The following SERINC5 variants were observed in gnomAD, a reference collection of about 807,000 sequenced individuals.
SERINC5 encodes the protein serine incorporator 5, also known as chromosome 5 open reading frame 12.
In SERINC5, 41 loss-of-function variants were observed where a neutral mutation model predicts 63.1. The observed-to-expected ratio is 0.65, with a 90% CI of 0.51 to 0.84. The LOEUF (loss-of-function observed/expected upper bound fraction) is 0.84. Ranked by LOEUF, SERINC5 falls within the 40% of genes least tolerant of loss-of-function variation. The pLI is 0.00. For missense variants in SERINC5, 523 were observed against 573.0 expected, an observed-to-expected ratio of 0.91 and a Z score of 0.89; for synonymous variants, 222 against 215.2, an observed-to-expected ratio of 1.03 and a Z score of -0.28.
intron 2 of SERINC5, among the ~76,000 whole-genome samples, chr5:80,200,987 T>C (rs6867277): frequency 0.3 from 45,218 of 151,726 alleles, 6,968 homozygotes; most frequent in African/African-American, 0.32. Context: ...TAATCCCAAC[T>C]ACTCGGGAGG....
intron 11 of SERINC5, among the ~76,000 whole-genome samples, chr5:80,145,318 G>A (rs1333888622): frequency 1.3e-5 from 2 of 151,634 alleles, no homozygotes; most frequent in Non-Finnish European, 2.9e-5. Context: ...ACTCCAGCCT[G>A]GGTGACAAAG....
chr5:80,131,763 TA>T (rs1178677350), intron 11 of SERINC5, among the ~76,000 whole-genome samples: 1 of 152,188 alleles, frequency 6.6e-6, no homozygotes, highest in Non-Finnish European at 1.5e-5. Flanking sequence ...ACACCTCACA[TA>T]GTCTTTTGCA....
intron 1 of SERINC5, among the ~76,000 whole-genome samples, chr5:80,235,523 G>A (rs187517032): frequency 4.3e-4 from 66 of 152,280 alleles, no homozygotes; most frequent in African/African-American, 1.6e-3. Context: ...AAGAAGAGTA[G>A]GTTTTTCTTT....
rs1745413958 is a variant in SERINC5, at chr5:80,140,145, C to T, written c.*3518G>A. ...AGGAGTTTGAGACCAGCCTGGACAA[C>T]CCCATCTCTACAAAAAAATAAAAAT... On this transcript the variant is annotated 3_prime_UTR_variant, in exon 12 of 12. Transcript: ENST00000507668. 2.6e-6 allele frequency: 2 copies of T among 780,310 alleles called. No individual in the cohort carries two copies. The highest frequency in any genetic ancestry group is 3.1e-6 in the Non-Finnish European group (2 of 643,498). The allele number at this position is 780,310 out of a possible 1,614,324, so 48.3% of individuals were successfully genotyped here.
intron 1 of SERINC5, among the ~76,000 whole-genome samples, chr5:80,216,430 C>T (rs1244456223): frequency 6.6e-6 from 1 of 152,170 alleles, no homozygotes; most frequent in African/African-American, 2.4e-5. Context: ...TCAGTCTGAA[C>T]ACAGGAGAGC....
chr5:80,186,916 G>C (rs1748844464), intron 2 of SERINC5, among the ~76,000 whole-genome samples: 1 of 152,062 alleles, frequency 6.6e-6, no homozygotes, highest in Admixed American at 6.5e-5. Context: ...AGCATTTGGG[G>C]AGGCCAAGGC....
At chr5:80,233,083 A>G (rs1367113464) in intron 1 of SERINC5, among the ~76,000 whole-genome samples, 1 of 152,252 alleles carries the variant, frequency 6.6e-6, no homozygotes, top group Non-Finnish European at 1.5e-5. Flanking sequence ...TGCACACTTT[A>G]AATGACTGGG....
chr5:80,116,115 T>C (rs1197626852), intron 11 of SERINC5: 4 of 360,556 alleles, frequency 1.1e-5, no homozygotes, highest in African/African-American at 8.6e-5. Context: ...TCCACGTTGC[T>C]GCAGCAATGC....
intron 2 of SERINC5, among the ~76,000 whole-genome samples, chr5:80,191,764 A>T (rs2112461207): frequency 6.6e-6 from 1 of 152,108 alleles, no homozygotes; most frequent in Admixed American, 6.5e-5. Context: ...AATTACTATT[A>T]AACATGTCAT....
chr5:80,137,980 C>G (rs1327493055), downstream of SERINC5, among the ~76,000 whole-genome samples: 1 of 151,804 alleles, frequency 6.6e-6, no homozygotes, highest in East Asian at 1.9e-4. Flanking sequence ...AAAAATTCAG[C>G]CTCAAAAAGA....
At chr5:80,159,823 A>C (rs1746772278) in intron 7 of SERINC5, among the ~76,000 whole-genome samples, 1 of 152,178 alleles carries the variant, frequency 6.6e-6, no homozygotes, top group South Asian at 2.1e-4. Context: ...AGGAAGGTGA[A>C]CACCACCTCA....
Position 80,141,016 on chromosome 5 carries a change from C to T in SERINC5, c.*2647G>A. ...GCCATTGGCACAATGTTTCCAGTTTCTCAAATCACAATTGCACAAAACTGT... is the reference window on the plus strand; with the variant it reads ...GCCATTGGCACAATGTTTCCAGTTTTTCAAATCACAATTGCACAAAACTGT... On this transcript the variant is annotated 3_prime_UTR_variant, in exon 12 of 12. Coordinates refer to ENST00000507668, the MANE Select transcript of SERINC5 (RefSeq NM_001174072.3). 1.0e-6 allele frequency: 1 copy of T among 985,386 alleles called. No individual in the cohort carries two copies. The highest frequency in any genetic ancestry group is 1.2e-6 in the Non-Finnish European group (1 of 829,898). 61.0% of individuals were successfully genotyped at this position (985,386 alleles called of 1,614,324 possible). A position where few individuals can be genotyped will look rare whatever the true frequency, so the allele number is the denominator to read the frequency against.
chr5:80,215,696 A>G (rs1262443083), intron 1 of SERINC5, among the ~76,000 whole-genome samples: 2 of 152,192 alleles, frequency 1.3e-5, no homozygotes, highest in Non-Finnish European at 2.9e-5. Flanking sequence ...TGGTTTCTCA[A>G]ACAAGTTTCA....
chr5:80,216,061 T>C (rs1033055322), intron 1 of SERINC5, among the ~76,000 whole-genome samples: 10 of 152,166 alleles, frequency 6.6e-5, no homozygotes, highest in African/African-American at 2.4e-4. Flanking sequence ...TTTTAGCAGG[T>C]TGGTGAGATC....
intron 1 of SERINC5, among the ~76,000 whole-genome samples, chr5:80,215,875 C>G (rs1750637069): frequency 6.6e-6 from 1 of 152,158 alleles, no homozygotes. Context: ...GAGTCTGGGA[C>G]AAAGATGTTC....
intron 1 of SERINC5, among the ~76,000 whole-genome samples, chr5:80,248,678 G>C (rs747679059): frequency 2.4e-4 from 36 of 152,142 alleles, no homozygotes; most frequent in Non-Finnish European, 4.4e-4. Context: ...TCTTTATAAA[G>C]ATGAACAGGA....
chr5:80,175,085 T>C (rs1461350018), intron 4 of SERINC5, 38 bp from the exon 5 acceptor site: 6 of 1,432,856 alleles, frequency 4.2e-6, no homozygotes, highest in Non-Finnish European at 4.8e-6. Context: ...AGGCAACCTT[T>C]CGTTGTATTT....
intron 2 of SERINC5, among the ~76,000 whole-genome samples, chr5:80,186,199 C>T (rs1376668184): frequency 6.9e-6 from 1 of 144,338 alleles, no homozygotes; most frequent in Non-Finnish European, 1.5e-5. Flanking sequence ...TACAGTGGTG[C>T]GATTTCAGCT....
chr5:80,239,178 C>T (rs906659986), intron 1 of SERINC5, among the ~76,000 whole-genome samples: 13 of 152,172 alleles, frequency 8.5e-5, no homozygotes, highest in Non-Finnish European at 1.0e-4. Context: ...CCATGGACAG[C>T]CCATAAGCCA....
Sources: allele counts gnomAD v4.1 joint callset (sites outside exome capture counted in the v4.1 genomes callset), GRCh38; gene constraint gnomAD v4.1.1; transcripts MANE v1.5; gene names NCBI Gene and HGNC (gene_info 2026-07-23, HGNC 2026-07-21).